Variants in STXBP5 observed in about 807,000 individuals in gnomAD.
The protein encoded by STXBP5 is syntaxin binding protein 5.
Under a neutral mutation model 152.4 loss-of-function variants are expected in STXBP5, and 50 were observed. The observed-to-expected ratio is 0.33, with a 90% confidence interval of 0.26 to 0.42. The LOEUF is 0.42. Among genes scored for constraint, STXBP5 ranks in the 10% least tolerant of loss-of-function variants. The probability of loss-of-function intolerance (pLI) is 1.00; values close to 1 mark genes in which losing one functional copy is unlikely to be tolerated. For missense variants in STXBP5, 1,167 were observed against 1,388.6 expected (o/e 0.84, Z 2.54); for synonymous variants, 492 against 494.7 (o/e 0.99, Z 0.07).
At chr6:147,210,192 G>T (rs571595159) in intron 2 of STXBP5, among the ~76,000 whole-genome samples, 1 of 152,256 alleles carries the variant, frequency 6.6e-6, no homozygotes, top group East Asian at 1.9e-4. Context: ...AAATCTTAGG[G>T]AGTAACTAAA....
Position 147,204,446 on chromosome 6 carries a change from A to C in STXBP5, c.-87A>C. The C allele has an allele frequency of 7.2e-7, 1 of 1,393,444 alleles. No homozygotes were observed. Among genetic ancestry groups the C allele is most frequent in the Non-Finnish European group, 9.8e-7 (1 of 1,015,884 alleles). The allele number at this position is 1,393,444 out of a possible 1,614,324, so 86.3% of individuals were successfully genotyped here. A position where few individuals can be genotyped will look rare whatever the true frequency, so the allele number is the denominator to read the frequency against. On this transcript the variant is annotated 5_prime_UTR_variant, in exon 1 of 28. Coordinates refer to ENST00000321680, the MANE Select transcript of STXBP5 (RefSeq NM_001127715.4). This position sits in a 1 kb window ranked among gnomAD's most constrained non-coding sequence, Gnocchi z 4.3. ...TCCCACTCCTCCGTTTCCGCGGTCG[A>C]AGCTGCCTTCGGCCCCGGGTGGTCT...
intron 6 of STXBP5, among the ~76,000 whole-genome samples, chr6:147,264,163 G>A (rs980180096): frequency 6.6e-6 from 1 of 151,816 alleles, no homozygotes; most frequent in Non-Finnish European, 1.5e-5. Context: ...ACTCTTTCCT[G>A]TTTGCAAAGA....
At chr6:147,254,895 G>T (rs983319122) in intron 4 of STXBP5, among the ~76,000 whole-genome samples, 26 of 152,294 alleles carry the variant, frequency 1.7e-4, no homozygotes, top group African/African-American at 6.0e-4. Context: ...CAACCATTGT[G>T]GAAGACAGTG....
At chr6:147,374,851 A>G (rs1180319791) in intron 26 of STXBP5, among the ~76,000 whole-genome samples, 4 of 152,112 alleles carry the variant, frequency 2.6e-5, no homozygotes, top group African/African-American at 9.7e-5. Flanking sequence ...AAGACACCAA[A>G]GGGCTATAAT....
intron 25 of STXBP5, among the ~76,000 whole-genome samples, chr6:147,366,296 C>T (rs939415491): frequency 1.4e-4 from 22 of 152,182 alleles, no homozygotes; most frequent in African/African-American, 5.3e-4. Context: ...TTGTAGAAAC[C>T]ATTCCAGGAA....
At chr6:147,262,376 A>G (rs1450622001) in intron 6 of STXBP5, 23 bp downstream of exon 6, 1 of 1,389,646 alleles carries the variant, frequency 7.2e-7, no homozygotes, top group East Asian at 2.5e-5. Flanking sequence ...GTAAAAAATT[A>G]TATATTAAAT....
intron 3 of STXBP5, among the ~76,000 whole-genome samples, chr6:147,237,967 TAATA>T (rs1778361021): frequency 1.3e-5 from 2 of 152,208 alleles, no homozygotes; most frequent in South Asian, 2.1e-4. Context: ...TCAGATGTCT[TAATA>T]AATCAGCTCT....
Position 147,384,980 on chromosome 6 carries a change from T to A in STXBP5, c.*225T>A, listed in dbSNP as rs1350905949. The A allele has an allele frequency of 1.9e-6, 1 of 529,350 alleles. No homozygotes were observed. The highest frequency in any genetic ancestry group is 3.4e-6 in the Non-Finnish European group (1 of 295,104). The allele number at this position is 529,350 out of a possible 1,614,324, so 32.8% of individuals were successfully genotyped here. On this transcript the variant is annotated 3_prime_UTR_variant, in exon 28 of 28. Coordinates refer to ENST00000321680, the MANE Select transcript of STXBP5 (RefSeq NM_001127715.4). ...TGTGTGCCAGTTATGAGTTGACCAT[T>A]TGGGAATTAAACAGGTCACACGTGA...
intron 22 of STXBP5, among the ~76,000 whole-genome samples, chr6:147,357,194 A>G (rs944107673): frequency 7.2e-5 from 11 of 152,080 alleles, no homozygotes; most frequent in Admixed American, 6.6e-5. Context: ...AGGGAGAGAA[A>G]CTATATAGGT....
At chr6:147,320,970 G>A (rs1445281558) in intron 16 of STXBP5, among the ~76,000 whole-genome samples, 4 of 152,088 alleles carry the variant, frequency 2.6e-5, no homozygotes, top group African/African-American at 9.7e-5. Flanking sequence ...TAATTCTCTA[G>A]TATTACCTTA....
rs1364308540 is a variant in STXBP5, at chr6:147,382,843, A to T, written c.3259A>T (p.Ile1087Phe). 6.2e-7 allele frequency: 1 copy of T among 1,613,584 alleles called. No homozygotes were observed. The highest frequency in any genetic ancestry group is 8.5e-7 in the Non-Finnish European group (1 of 1,179,664). The change falls in exon 27 of 28, where the codon ATT (isoleucine) becomes TTT (phenylalanine). Residue 1087 changes from isoleucine to phenylalanine, a missense_variant. Physicochemically the swap from Ile to Phe is conservative, Grantham distance 21. Coordinates refer to ENST00000321680, the MANE Select transcript of STXBP5 (RefSeq NM_001127715.4). ...LAQHIPGPGG[I>F]EGVKGAASGV... ...ACAGCATATTCCTGGCCCTGGTGGC[A>T]TTGAAGGCGTAAAAGGGGCAGCATC...
chr6:147,354,919 C>T (rs1369189976), intron 22 of STXBP5, among the ~76,000 whole-genome samples: 1 of 152,082 alleles, frequency 6.6e-6, no homozygotes. Context: ...AGATTCTTGG[C>T]TGCTAATTTA....
chr6:147,377,263 A>G (rs1276505284), intron 26 of STXBP5, among the ~76,000 whole-genome samples: 1 of 152,216 alleles, frequency 6.6e-6, no homozygotes, highest in South Asian at 2.1e-4. Flanking sequence ...CAAAGAATTT[A>G]TGACCATTGG....
chr6:147,348,474 A>G (rs909257528), intron 21 of STXBP5, among the ~76,000 whole-genome samples: 1 of 152,172 alleles, frequency 6.6e-6, no homozygotes, highest in Non-Finnish European at 1.5e-5. Context: ...GCTGCACTCA[A>G]TACAGTAACA....
chr6:147,289,941 CTGTAATCCCAGCACT>C (rs1781195400), intron 8 of STXBP5, among the ~76,000 whole-genome samples: 1 of 152,208 alleles, frequency 6.6e-6, no homozygotes, highest in South Asian at 2.1e-4. Flanking sequence ...TGGCTCATGC[CTGTAATCCCAGCACT>C]TCAGGAGACT....
At chr6:147,375,581 CAAG>C (rs1305763536) in intron 26 of STXBP5, among the ~76,000 whole-genome samples, 1 of 150,710 alleles carries the variant, frequency 6.6e-6, no homozygotes, top group East Asian at 1.9e-4. Flanking sequence ...TAGACTTTCT[CAAG>C]AAGGAAATAG....
At chr6:147,370,336 A>G (rs1175205541) in intron 25 of STXBP5, among the ~76,000 whole-genome samples, 1 of 152,060 alleles carries the variant, frequency 6.6e-6, no homozygotes, top group African/African-American at 2.4e-5. Context: ...GGTTTCATGC[A>G]TATATGCATA....
intron 16 of STXBP5, among the ~76,000 whole-genome samples, chr6:147,324,621 T>C (rs967698986): frequency 6.6e-6 from 1 of 152,062 alleles, no homozygotes; most frequent in Non-Finnish European, 1.5e-5. Context: ...TGATTTGTTT[T>C]TCTCTTCTTA....
At chr6:147,362,657 A>G (rs1785116976) in intron 23 of STXBP5, among the ~76,000 whole-genome samples, 1 of 152,186 alleles carries the variant, frequency 6.6e-6, no homozygotes, top group Non-Finnish European at 1.5e-5. Flanking sequence ...ATTGTCTATT[A>G]GAGATGCAAT....
Sources: allele counts gnomAD v4.1 joint callset (sites outside exome capture counted in the v4.1 genomes callset), GRCh38; gene constraint gnomAD v4.1.1; non-coding constraint Gnocchi (gnomAD v3.1); transcripts MANE v1.5; gene names NCBI Gene and HGNC (gene_info 2026-07-23, HGNC 2026-07-21).